PLEKHA7: variants seen among roughly 807,000 people sequenced by gnomAD.
PLEKHA7 encodes the protein pleckstrin homology domain-containing family A member 7.
A neutral mutation model predicts 170.0 loss-of-function variants in PLEKHA7; 104 were observed. The observed-to-expected ratio is 0.61, with a 90% CI of 0.52 to 0.72. The LOEUF (loss-of-function observed/expected upper bound fraction) is 0.72. PLEKHA7 is among the 30% of genes least tolerant of loss of function. The probability of loss-of-function intolerance (pLI) is 0.00; values close to 1 mark genes in which losing one functional copy is unlikely to be tolerated. For synonymous variants in PLEKHA7, 648 were observed against 660.8 expected, an observed-to-expected ratio of 0.98 and a Z score of 0.30; for missense variants, 1,615 against 1,671.7, an observed-to-expected ratio of 0.97 and a Z score of 0.59.
rs1849486375 is a variant in PLEKHA7, at chr11:16,813,028, C to T, written c.2007+85G>A. On this transcript the variant is annotated intron_variant, in intron 13 of 26. Transcript: ENST00000531066. Reference sequence around the variant, plus strand: ...TCAGATTGGATAAGACCTGTCTGGCCTTTGGCTTTGGGCTTGGCTCCAGTG... The same window carrying T: ...TCAGATTGGATAAGACCTGTCTGGCTTTTGGCTTTGGGCTTGGCTCCAGTG... 3.3e-6 allele frequency: 4 copies of T among 1,209,474 alleles called. No homozygotes were observed. In the East Asian group the frequency reaches 9.5e-5, roughly 29 times the overall value. 74.9% of individuals were successfully genotyped at this position (1,209,474 alleles called of 1,614,324 possible).
At chr11:16,976,078 T>C (rs1863045160) in intron 3 of PLEKHA7, among the ~76,000 whole-genome samples, 1 of 152,220 alleles carries the variant, frequency 6.6e-6, no homozygotes, top group Admixed American at 6.5e-5. Context: ...TACTCATCAA[T>C]GGATCTGAGG....
chr11:16,812,222 A>G (rs1422884396), intron 13 of PLEKHA7, among the ~76,000 whole-genome samples: 1 of 152,148 alleles, frequency 6.6e-6, no homozygotes, highest in Non-Finnish European at 1.5e-5. Flanking sequence ...ATCTCCTTTC[A>G]TTGTGGGGAG....
At chr11:16,825,845 C>T (rs527634762) in intron 10 of PLEKHA7, among the ~76,000 whole-genome samples, 12 of 152,340 alleles carry the variant, frequency 7.9e-5, no homozygotes, top group Admixed American at 5.2e-4. Flanking sequence ...CTGGTGTAAT[C>T]GCATGGAGGC....
intron 23 of PLEKHA7, chr11:16,787,072 C>G: frequency 1.0e-6 from 1 of 985,384 alleles, no homozygotes; most frequent in Non-Finnish European, 1.2e-6. Context: ...TTCACAGTAT[C>G]AACTTTGTAA....
rs1452837656 is a variant in PLEKHA7, at chr11:16,817,169, C to T, written c.1497G>A (p.Gln499=). 1 of 1,614,182 alleles carries T rather than the reference C, an allele frequency of 6.2e-7. No homozygotes were observed. Residue 499 remains glutamine (Q), a synonymous_variant, in exon 11 of 27, where the codon CAG becomes CAA. Transcript: ENST00000531066. The surrounding 1 kb of genome is among the most constrained non-coding windows in gnomAD (Gnocchi z 4.4). ...RNLPSDYKYA[Q]DRASHLKMSS... is the part of the protein sequence containing the mutation. ...ACATCTTCAGGTGGCTGGCTCGGTCCTGCGCATACTTGTAGTCACTTGGCA... is the reference window on the plus strand; with the variant it reads ...ACATCTTCAGGTGGCTGGCTCGGTCTTGCGCATACTTGTAGTCACTTGGCA...
At chr11:17,005,354 A>G (rs1451351896) in intron 3 of PLEKHA7, among the ~76,000 whole-genome samples, 2 of 152,196 alleles carry the variant, frequency 1.3e-5, no homozygotes, top group Non-Finnish European at 2.9e-5. Context: ...CAACATGGTG[A>G]AACCCCGTCT....
intron 3 of PLEKHA7, among the ~76,000 whole-genome samples, chr11:16,882,975 AATTAT>A (rs775453135): frequency 2.1e-4 from 32 of 152,288 alleles, no homozygotes; most frequent in Middle Eastern, 3.4e-3. Flanking sequence ...CTAGAAGGTA[AATTAT>A]ATTATCTTCA....
chr11:16,999,045 C>G (rs922279243), intron 3 of PLEKHA7, among the ~76,000 whole-genome samples: 4 of 152,100 alleles, frequency 2.6e-5, no homozygotes, highest in African/African-American at 7.2e-5. Flanking sequence ...CCAACACACA[C>G]CTATTTGGCT....
chr11:16,882,581 C>A (rs1855789920), intron 3 of PLEKHA7, among the ~76,000 whole-genome samples: 1 of 152,208 alleles, frequency 6.6e-6, no homozygotes, highest in African/African-American at 2.4e-5. Context: ...TTGGACAGAA[C>A]TGTTTTGGTC....
intron 13 of PLEKHA7, 35 bp from the exon 14 acceptor site, chr11:16,803,330 T>C (rs755309960): frequency 6.3e-7 from 1 of 1,587,026 alleles, no homozygotes; most frequent in Non-Finnish European, 8.7e-7. Flanking sequence ...GATTTAACCA[T>C]GGTGTTTGAG....
At chr11:16,832,741 T>C (rs182033049) in intron 9 of PLEKHA7, among the ~76,000 whole-genome samples, 1 of 152,164 alleles carries the variant, frequency 6.6e-6, no homozygotes, top group Non-Finnish European at 1.5e-5. Context: ...GATCCCTCCC[T>C]GCTCACCTTA....
intron 3 of PLEKHA7, among the ~76,000 whole-genome samples, chr11:16,907,623 T>C (rs1384106388): frequency 1.4e-4 from 16 of 114,836 alleles, no homozygotes; most frequent in African/African-American, 3.4e-4. Context: ...CGCCTCTGCC[T>C]GGCCGCCCCT....
chr11:16,994,259 C>T (rs1400014477), intron 3 of PLEKHA7, among the ~76,000 whole-genome samples: 2 of 152,210 alleles, frequency 1.3e-5, no homozygotes, highest in Non-Finnish European at 2.9e-5. Context: ...TCAGCAGATG[C>T]CCCTTAGGAG....
chr11:16,789,165 G>A lies in PLEKHA7; in HGVS notation c.3288C>T (p.Gly1096=), dbSNP rs1294535217. 6.2e-7 allele frequency: 1 copy of A among 1,612,084 alleles called. No homozygotes were observed. Among genetic ancestry groups the A allele is most frequent in the Non-Finnish European group, 8.5e-7 (1 of 1,180,032 alleles). Residue 1096 remains glycine, a synonymous_variant, in exon 23 of 27, where the codon GGC becomes GGT. Coordinates refer to ENST00000531066, the MANE Select transcript of PLEKHA7 (RefSeq NM_001329630.2). This position sits in a 1 kb window ranked among gnomAD's most constrained non-coding sequence, Gnocchi z 4.6. ...AGGGCAGGCCCGTCCTCTCCCCTTG[G>A]CCCAGTGTCCTCTTGCGCTCTCGGA... ...ALVRERKRTL[G]QGERTGLPSS... is the part of the protein sequence containing the mutation.
intron 8 of PLEKHA7, among the ~76,000 whole-genome samples, chr11:16,844,264 G>C (rs1279245180): frequency 6.6e-6 from 1 of 152,222 alleles, no homozygotes; most frequent in African/African-American, 2.4e-5. Flanking sequence ...ATTTGCGAAT[G>C]AGTCTTAAGA....
At chr11:16,924,630 G>A (rs1184175840) in intron 3 of PLEKHA7, among the ~76,000 whole-genome samples, 1 of 152,156 alleles carries the variant, frequency 6.6e-6, no homozygotes, top group Non-Finnish European at 1.5e-5. Flanking sequence ...CTGTCCCACC[G>A]ACAACGAAAG....
intron 6 of PLEKHA7, among the ~76,000 whole-genome samples, chr11:16,854,571 T>C (rs1853268387): frequency 6.6e-6 from 1 of 152,088 alleles, no homozygotes; most frequent in Non-Finnish European, 1.5e-5. Context: ...GGAAGGCAAG[T>C]GCTGGTAGAG....
At chr11:16,783,659 G>A (rs1849207376) in intron 25 of PLEKHA7, 41 bp downstream of exon 25, 2 of 1,365,240 alleles carry the variant, frequency 1.5e-6, no homozygotes, top group Non-Finnish European at 1.9e-6. Context: ...GCCACCTGGG[G>A]TCAGGGTGAC....
At chr11:16,795,075 G>T in intron 17 of PLEKHA7, 57 bp from the exon 18 acceptor site, 1 of 1,251,652 alleles carries the variant, frequency 8.0e-7, no homozygotes, top group Non-Finnish European at 1.2e-6. Context: ...TTTCTTCTTA[G>T]GACTTATCCT....
Sources: allele counts gnomAD v4.1 joint callset (sites outside exome capture counted in the v4.1 genomes callset), GRCh38; gene constraint gnomAD v4.1.1; non-coding constraint Gnocchi (gnomAD v3.1); transcripts MANE v1.5; gene names NCBI Gene and HGNC (gene_info 2026-07-23, HGNC 2026-07-21).